Variants in GPR149 observed in about 807,000 individuals in gnomAD.
GPR149 encodes the protein probable G protein-coupled receptor 149.
Under a neutral mutation model 50.2 loss-of-function variants are expected in GPR149, and 50 were observed. The ratio of observed to expected loss-of-function variants is 1.00; its 90% CI spans 0.79 to 1.26. GPR149 has a LOEUF of 1.26. GPR149 is among the 50% of genes most tolerant of loss of function. The pLI, the probability that GPR149 is intolerant of heterozygous loss-of-function variation, is 0.00. For missense variants in GPR149, 983 were observed against 895.4 expected (o/e 1.10, Z -1.25); for synonymous variants, 405 against 358.2 (o/e 1.13, Z -1.48).
intron 3 of GPR149, chr3:154,354,567 T>C (rs973470263): frequency 5.6e-6 from 1 of 178,276 alleles, no homozygotes; most frequent in African/African-American, 2.4e-5. Flanking sequence ...TTTTTTCCTT[T>C]TCCTTTTTTT....
At chr3:154,356,839 T>A (rs1714241340) in intron 3 of GPR149, among the ~76,000 whole-genome samples, 1 of 151,984 alleles carries the variant, frequency 6.6e-6, no homozygotes, top group African/African-American at 2.4e-5. Flanking sequence ...TACTTTAAAG[T>A]TCATATGGAA....
At chr3:154,351,311 T>TGCAAA (rs1341107044) in intron 3 of GPR149, among the ~76,000 whole-genome samples, 531 of 19,616 alleles carry the variant, frequency 0.027, 134 homozygotes, top group East Asian at 0.053. Flanking sequence ...GACATCCACA[T>TGCAAA]ACAAAAAAAA....
At chr3:154,409,900 A>G (rs1711788190) in intron 3 of GPR149, among the ~76,000 whole-genome samples, 1 of 152,204 alleles carries the variant, frequency 6.6e-6, no homozygotes, top group Non-Finnish European at 1.5e-5. Flanking sequence ...AATTCACTGC[A>G]AAAAGATCAT....
intron 2 of GPR149, among the ~76,000 whole-genome samples, chr3:154,426,913 T>A (rs951793530): frequency 1.4e-3 from 177 of 127,334 alleles, no homozygotes; most frequent in East Asian, 5.6e-3. Flanking sequence ...TGTGTGTGTG[T>A]GAGACAGAGA....
At chr3:154,389,447 C>T (rs548959330) in intron 3 of GPR149, among the ~76,000 whole-genome samples, 3 of 152,046 alleles carry the variant, frequency 2.0e-5, no homozygotes, top group Admixed American at 6.6e-5. Flanking sequence ...AAGGACAAGA[C>T]CATACATTCA....
At chr3:154,359,823 G>A (rs1714338587) in intron 3 of GPR149, among the ~76,000 whole-genome samples, 1 of 152,078 alleles carries the variant, frequency 6.6e-6, no homozygotes, top group Admixed American at 6.6e-5. Context: ...ATCAATGGAA[G>A]AGAAAACCTA....
At position 154,428,996 on chromosome 3, in the gene GPR149, C is replaced by T. The variant is rs752621262; in HGVS notation, c.620G>A (p.Gly207Asp). The change falls in exon 1 of 4, where the codon GGC becomes GAC. Residue 207 changes from glycine to aspartate, a missense_variant. Gly to Asp is a moderately conservative substitution (Grantham distance 94, BLOSUM62 -1). Coordinates refer to ENST00000389740, the MANE Select transcript of GPR149 (RefSeq NM_001038705.3). ...VYALAFGLLV[G>D]LSVPLTHRLL... ...TCGGTGAGTGAGTGGGACTGAGAGG[C>T]CCACGAGGAGTCCGAAGGCCAAAGC... 5 of 1,613,970 alleles carry T rather than the reference C, an allele frequency of 3.1e-6. No homozygotes were observed. In the East Asian group the frequency reaches 6.7e-5, roughly 22 times the overall value.
In GPR149 at chr3:154,418,283, A is replaced by G. The variant is rs1311764582; in HGVS notation, c.1623+2756T>C. 2.3e-3 allele frequency among the ~76,000 whole-genome samples: 235 copies of G among 103,430 alleles called. 4 individuals carry two copies. The highest frequency in any genetic ancestry group is 4.4e-3 in the South Asian group (13 of 2,976). The allele number at this position is 103,430 out of a possible 152,430, so 67.9% of individuals were successfully genotyped here. A position where few individuals can be genotyped will look rare whatever the true frequency, so the allele number is the denominator to read the frequency against. ...GATTCCTCAGGGATCTAGAACTAGA[A>G]ATACCATTTGACCCAGCCATCCCAT... On this transcript the variant is annotated intron_variant, in intron 3 of 3. Coordinates refer to ENST00000389740, the MANE Select transcript of GPR149 (RefSeq NM_001038705.3).
At chr3:154,361,742 T>C (rs1386375770) in intron 3 of GPR149, among the ~76,000 whole-genome samples, 2 of 152,184 alleles carry the variant, frequency 1.3e-5, no homozygotes. Context: ...GAACCAATAA[T>C]TCCCTTTATT....
chr3:154,405,745 A>G (rs1037657257), intron 3 of GPR149, among the ~76,000 whole-genome samples: 12 of 151,936 alleles, frequency 7.9e-5, no homozygotes, highest in Non-Finnish European at 1.6e-4. Context: ...AAAATATACA[A>G]TTATACCCTA....
chr3:154,414,444 C>T (rs116463284), intron 3 of GPR149, among the ~76,000 whole-genome samples: 161 of 152,006 alleles, frequency 1.1e-3, no homozygotes, highest in African/African-American at 3.8e-3. Flanking sequence ...AAATTACCAT[C>T]GCATAATAAT....
Position 154,337,803 on chromosome 3 carries a change from G to A in GPR149, c.2092C>T (p.Gln698Ter). 1 of 1,613,938 alleles carries A rather than the reference G, an allele frequency of 6.2e-7. No individual in the cohort carries two copies. The highest frequency in any genetic ancestry group is 8.5e-7 in the Non-Finnish European group (1 of 1,179,930). ...TCTTGATGCTGCCTTTTACTGTTCT[G>A]CCTGTGTGCTTCTACTGTGTCTGGA... ...SIPDTVEAHRQNSKRQHQERD... is the reference protein window; with the variant it reads ...SIPDTVEAHR The change falls in exon 4 of 4, where the codon CAG becomes TAG. Residue 698 changes from glutamine (Q) to a stop codon, truncating the protein, a stop_gained. Coordinates refer to ENST00000389740, the MANE Select transcript of GPR149 (RefSeq NM_001038705.3). LOFTEE classifies it high-confidence loss of function.
At chr3:154,355,782 G>A (rs1714205626) in intron 3 of GPR149, among the ~76,000 whole-genome samples, 1 of 152,080 alleles carries the variant, frequency 6.6e-6, no homozygotes, top group South Asian at 2.1e-4. Context: ...AAAAATGTTT[G>A]CAAGAAAAAA....
chr3:154,410,378 G>C (rs1182050984), intron 3 of GPR149, among the ~76,000 whole-genome samples: 1 of 152,068 alleles, frequency 6.6e-6, no homozygotes, highest in Non-Finnish European at 1.5e-5. Flanking sequence ...AGTACCTCAC[G>C]TCTCAATACT....
At chr3:154,419,291 G>A (rs1205927547) in intron 3 of GPR149, among the ~76,000 whole-genome samples, 2 of 151,966 alleles carry the variant, frequency 1.3e-5, no homozygotes, top group Admixed American at 1.3e-4. Flanking sequence ...CATTCTCCCA[G>A]GACAATGTAC....
intron 3 of GPR149, among the ~76,000 whole-genome samples, chr3:154,381,216 G>C (rs1275744214): frequency 6.6e-6 from 1 of 152,110 alleles, no homozygotes; most frequent in African/African-American, 2.4e-5. Flanking sequence ...GGATACCCTT[G>C]GAGAAGGTCA....
chr3:154,395,209 A>G (rs1715261361), intron 3 of GPR149, among the ~76,000 whole-genome samples: 1 of 151,956 alleles, frequency 6.6e-6, no homozygotes, highest in Non-Finnish European at 1.5e-5. Flanking sequence ...AATACTTCTA[A>G]GAAGAACTGA....
At chr3:154,387,322 A>G (rs1415967910) in intron 3 of GPR149, among the ~76,000 whole-genome samples, 1 of 152,184 alleles carries the variant, frequency 6.6e-6, no homozygotes, top group Non-Finnish European at 1.5e-5. Context: ...AGGTACTGTC[A>G]TTATCTGTGC....
chr3:154,385,704 CTTT>C (rs5853692), intron 3 of GPR149, among the ~76,000 whole-genome samples: 46 of 136,098 alleles, frequency 3.4e-4, no homozygotes, highest in Non-Finnish European at 3.5e-4. Flanking sequence ...TTCTTTCTTT[CTTT>C]TTTTTTTTTT....
Sources: allele counts gnomAD v4.1 joint callset (sites outside exome capture counted in the v4.1 genomes callset), GRCh38; gene constraint gnomAD v4.1.1; transcripts MANE v1.5; gene names NCBI Gene and HGNC (gene_info 2026-07-23, HGNC 2026-07-21).